Variants in ENSA observed in about 807,000 individuals in gnomAD.
ENSA encodes the protein endosulfine alpha.
Under a neutral mutation model 16.8 loss-of-function variants are expected in ENSA, and 7 were observed. That is an observed-to-expected ratio of 0.42 (90% CI 0.24 to 0.78). ENSA has a LOEUF of 0.78. Ranked by LOEUF, ENSA falls within the 30% of genes least tolerant of loss-of-function variation. The pLI, the probability that ENSA is intolerant of heterozygous loss-of-function variation, is 0.29. For synonymous variants in ENSA, 58 were observed against 53.4 expected (o/e 1.09, Z -0.37); for missense variants, 87 against 142.3 (o/e 0.61, Z 1.98).
At chr1:150,624,820 T>C in intron 3 of ENSA, 2 of 982,506 alleles carry the variant, frequency 2.0e-6, no homozygotes, top group Non-Finnish European at 2.4e-6. Context: ...CAATCTTACA[T>C]ACATTTAACT....
chr1:150,625,340 A>C, intron 3 of ENSA: 1 of 1,077,272 alleles, frequency 9.3e-7, no homozygotes, highest in Non-Finnish European at 1.1e-6. Context: ...CCAAAAGGAG[A>C]AATCACATCT....
intron 2 of ENSA, chr1:150,626,476 C>A (rs1649319348): frequency 6.2e-7 from 1 of 1,611,828 alleles, no homozygotes; most frequent in Admixed American, 1.7e-5. Context: ...ATGTTTCACC[C>A]ACCATTTCAT....
rs145743127 is a variant in ENSA at position 150,626,489 on chromosome 1, G to A, written c.184-681C>T. 10,081 of 1,612,788 alleles carry A rather than the reference G, an allele frequency of 6.3e-3. 41 individuals carry two copies. Among genetic ancestry groups the A allele is most frequent in the Non-Finnish European group, 7.4e-3 (8,777 of 1,178,920 alleles). ...GGATGTTTCACCCACCATTTCATCC[G>A]CACAGAGAAGCACACTCCAATGTAA... On this transcript the variant is annotated intron_variant, in intron 2 of 3. Transcript: ENST00000369014.
chr1:150,622,995 C>G (rs767356989), intron 3 of ENSA, 136 bp from the exon 4 acceptor site: 1 of 1,188,200 alleles, frequency 8.4e-7, no homozygotes, highest in Non-Finnish European at 1.1e-6. Flanking sequence ...TGGCATGTCT[C>G]AATCCTATCC....
At chr1:150,625,493 A>T in intron 3 of ENSA, 149 bp downstream of exon 3, 4 of 1,369,478 alleles carry the variant, frequency 2.9e-6, no homozygotes, top group Non-Finnish European at 3.8e-6. Context: ...TTTTCAACCT[A>T]CATTACCTTC....
chr1:150,626,975 C>T (rs188406929), intron 2 of ENSA: 4 of 957,164 alleles, frequency 4.2e-6, no homozygotes, highest in Non-Finnish European at 5.1e-6. Context: ...CCACTCTGAA[C>T]AAGAAAAATA....
chr1:150,624,700 C>G, intron 3 of ENSA: 1 of 985,436 alleles, frequency 1.0e-6, no homozygotes, highest in East Asian at 1.1e-4. Flanking sequence ...GTAGTACTTT[C>G]CCAGTATTAC....
At chr1:150,622,946 C>G (rs1384305304) in intron 3 of ENSA, 87 bp from the exon 4 acceptor site, 1 of 1,450,120 alleles carries the variant, frequency 6.9e-7, no homozygotes, top group African/African-American at 1.4e-5. Flanking sequence ...CCAGTCTCTA[C>G]CCCATGATTC....
rs1649043952 is a variant in ENSA at position 150,622,680 on chromosome 1, A to G, written c.*164T>C. Reference sequence around the variant, plus strand: ...CTTGGTGCTCAGCCCAAGGGGCTCCATGTGCTGGGACACCAACAGGAAAGG... The same window carrying G: ...CTTGGTGCTCAGCCCAAGGGGCTCCGTGTGCTGGGACACCAACAGGAAAGG... On this transcript the variant is annotated 3_prime_UTR_variant, in exon 4 of 4. Transcript: ENST00000369014. 1 of 578,210 alleles carries G rather than the reference A, an allele frequency of 1.7e-6. No individual in the cohort carries two copies. 35.8% of individuals were successfully genotyped at this position (578,210 alleles called of 1,614,324 possible).
At chr1:150,624,069 C>T (rs752900739) in intron 3 of ENSA, 17 of 985,258 alleles carry the variant, frequency 1.7e-5, no homozygotes, top group Non-Finnish European at 1.4e-5. Flanking sequence ...TAGTTCTCAC[C>T]CTGGTCCTCT....
chr1:150,625,974 A>G (rs1364564257), intron 2 of ENSA, among the ~76,000 whole-genome samples, 166 bp from the exon 3 acceptor site: 1 of 152,212 alleles, frequency 6.6e-6, no homozygotes, highest in African/African-American at 2.4e-5. Flanking sequence ...AATTACATGT[A>G]CTTATGTCTT....
chr1:150,628,663 T>G (rs1649520715), intron 1 of ENSA, among the ~76,000 whole-genome samples: 2 of 152,198 alleles, frequency 1.3e-5, no homozygotes, highest in African/African-American at 4.8e-5. Flanking sequence ...GTACTAAATT[T>G]TAAAAGTCAA....
chr1:150,623,408 T>C lies in ENSA; in HGVS notation c.351-549A>G, dbSNP rs4970967. ...GAAACTGGCAAATACAGAATGTAGC[T>C]TGTTTGTTTTCTTAGCCTTGAAGAT... On this transcript the variant is annotated intron_variant, in intron 3 of 3. Transcript: ENST00000369014. The C allele has an allele frequency of 2.5e-3, 2,467 of 985,840 alleles. 2 individuals carry two copies. Among genetic ancestry groups the C allele is most frequent in the Middle Eastern group, 8.9e-3 (17 of 1,914 alleles). The allele number at this position is 985,840 out of a possible 1,614,324, so 61.1% of individuals were successfully genotyped here. A position where few individuals can be genotyped will look rare whatever the true frequency, so the allele number is the denominator to read the frequency against.
intron 2 of ENSA, among the ~76,000 whole-genome samples, chr1:150,626,168 GA>G (rs1649292522): frequency 6.6e-6 from 1 of 152,152 alleles, no homozygotes; most frequent in African/African-American, 2.4e-5. Context: ...CAATAGCCTG[GA>G]ACTGGAGAAA....
intron 3 of ENSA, chr1:150,624,288 C>T: frequency 1.0e-6 from 1 of 985,926 alleles, no homozygotes; most frequent in Non-Finnish European, 1.2e-6. Flanking sequence ...ACCACTTTCC[C>T]CAGCTTCCTC....
At chr1:150,629,203 C>T in intron 1 of ENSA, 2 of 1,595,100 alleles carry the variant, frequency 1.3e-6, no homozygotes, top group Non-Finnish European at 1.7e-6. Flanking sequence ...GCCTATTGGC[C>T]AATCAGGAAG....
intron 1 of ENSA, chr1:150,629,194 C>T: frequency 6.2e-7 from 1 of 1,605,156 alleles, no homozygotes. Context: ...GAGCGGTAGG[C>T]CTATTGGCCA....
At position 150,622,131 on chromosome 1, in the gene ENSA, G is replaced by C. The variant is rs1359791372; in HGVS notation, c.*713C>G. 1 of 152,150 alleles carries C rather than the reference G, an allele frequency of 6.6e-6. No homozygotes were observed. The highest frequency in any genetic ancestry group is 1.5e-5 in the Non-Finnish European group (1 of 68,036). 9.4% of individuals were successfully genotyped at this position (152,150 alleles called of 1,614,324 possible). On this transcript the variant is annotated 3_prime_UTR_variant, in exon 4 of 4. Coordinates refer to ENST00000369014, the MANE Select transcript of ENSA (RefSeq NM_004436.4). ...CACCAACTGCTTCAGAATATTTCTG[G>C]GTTGGGTTTTTTCATGGGTTTTTGT...
chr1:150,624,154 C>T (rs982344046), intron 3 of ENSA: 2 of 985,318 alleles, frequency 2.0e-6, no homozygotes, highest in African/African-American at 1.7e-5. Flanking sequence ...ATGCTGGTCA[C>T]CTGCAACCCC....
Sources: allele counts gnomAD v4.1 joint callset (sites outside exome capture counted in the v4.1 genomes callset), GRCh38; gene constraint gnomAD v4.1.1; transcripts MANE v1.5; gene names NCBI Gene and HGNC (gene_info 2026-07-23, HGNC 2026-07-21).